Variants in NCALD observed in about 807,000 individuals in gnomAD.
The protein encoded by NCALD is neurocalcin-delta.
Under a neutral mutation model 18.6 loss-of-function variants are expected in NCALD, and 10 were observed. That is an observed-to-expected ratio of 0.54 (90% CI 0.33 to 0.91). The LOEUF (loss-of-function observed/expected upper bound fraction) is 0.91, where lower values mean the gene tolerates loss of function less well. Ranked by LOEUF, NCALD falls within the 40% of genes least tolerant of loss-of-function variation. The probability of loss-of-function intolerance (pLI) is 0.03; values close to 1 mark genes in which losing one functional copy is unlikely to be tolerated. For synonymous variants in NCALD, 88 were observed against 87.4 expected, an observed-to-expected ratio of 1.01 and a Z score of -0.04; for missense variants, 184 against 247.6, an observed-to-expected ratio of 0.74 and a Z score of 1.72.
At chr8:101,997,046 C>T (rs1212191718) in intron 2 of NCALD, among the ~76,000 whole-genome samples, 1 of 152,164 alleles carries the variant, frequency 6.6e-6, no homozygotes, top group Non-Finnish European at 1.5e-5. Context: ...TTATGGATTC[C>T]AGCTACTCAG....
intron 2 of NCALD, among the ~76,000 whole-genome samples, chr8:101,996,749 A>G (rs1821253390): frequency 6.6e-6 from 1 of 152,258 alleles, no homozygotes; most frequent in Non-Finnish European, 1.5e-5. Context: ...ACGGTCCTCC[A>G]GGGACTATGG....
At chr8:101,970,255 T>C (rs1240472333) in intron 2 of NCALD, among the ~76,000 whole-genome samples, 2 of 152,186 alleles carry the variant, frequency 1.3e-5, no homozygotes, top group Non-Finnish European at 1.5e-5. Context: ...TAAGGAAATA[T>C]GGAGATTTTG....
At chr8:102,040,579 C>T (rs1359826887) in intron 1 of NCALD, among the ~76,000 whole-genome samples, 1 of 152,050 alleles carries the variant, frequency 6.6e-6, no homozygotes, top group Admixed American at 6.6e-5. Flanking sequence ...TGGGAAAGAA[C>T]ACCCACTCAG....
chr8:101,848,092 G>A (rs1814941294), intron 4 of NCALD, among the ~76,000 whole-genome samples: 1 of 152,118 alleles, frequency 6.6e-6, no homozygotes, highest in Admixed American at 6.5e-5. Flanking sequence ...GTTTTGGTCG[G>A]GGAGAACAGT....
At chr8:102,112,335 A>G (rs921998805) in intron 1 of NCALD, among the ~76,000 whole-genome samples, 5 of 152,196 alleles carry the variant, frequency 3.3e-5, no homozygotes, top group African/African-American at 1.2e-4. Context: ...CTCACAGCTA[A>G]TAAGTGGCAA....
In NCALD at chr8:102,038,145, C is replaced by T. The variant is rs140242113; in HGVS notation, c.-209-17856G>A. Among the ~76,000 whole-genome samples the T allele has an allele frequency of 1.5e-3, 221 of 152,230 alleles. 5 individuals are homozygous for T. The East Asian group carries it at 0.038, about 26-fold the overall frequency. On this transcript the variant is annotated intron_variant, in intron 1 of 6. Transcript: ENST00000311028. ...ATTGGGATTTCCTGACGGCCTTTGC[C>T]TTACTATACCAAATTGACCCTGGAG...
At chr8:101,825,454 C>T (rs1394138732) in intron 4 of NCALD, among the ~76,000 whole-genome samples, 1 of 152,234 alleles carries the variant, frequency 6.6e-6, no homozygotes, top group Non-Finnish European at 1.5e-5. Context: ...TTAGATCTGG[C>T]CTGCCTTGGA....
intron 1 of NCALD, among the ~76,000 whole-genome samples, chr8:101,778,718 C>G (rs1467391935): frequency 2.6e-4 from 39 of 151,932 alleles, no homozygotes; most frequent in Non-Finnish European, 5.9e-5. Context: ...TCCAAGAGAC[C>G]TAACATCTCC....
chr8:102,092,847 T>C (rs1824968512), intron 1 of NCALD, among the ~76,000 whole-genome samples: 1 of 152,244 alleles, frequency 6.6e-6, no homozygotes, highest in South Asian at 2.1e-4. Flanking sequence ...TCTCACATCA[T>C]TCCTTGTTAT....
At chr8:102,101,794 C>A (rs1458246163) in intron 1 of NCALD, among the ~76,000 whole-genome samples, 1 of 152,180 alleles carries the variant, frequency 6.6e-6, no homozygotes, top group South Asian at 2.1e-4. Context: ...CAGCATTTAT[C>A]CAAATTACAT....
intron 1 of NCALD, among the ~76,000 whole-genome samples, chr8:102,096,791 C>T (rs192949653): frequency 1.1e-3 from 160 of 152,364 alleles, no homozygotes; most frequent in Non-Finnish European, 1.8e-3. Flanking sequence ...GGCCCACTCC[C>T]ACCCTGTAGA....
At chr8:101,739,373 T>C (rs1015598079) in intron 1 of NCALD, among the ~76,000 whole-genome samples, 1 of 152,246 alleles carries the variant, frequency 6.6e-6, no homozygotes, top group East Asian at 1.9e-4. Context: ...TTATTTAGTT[T>C]AGTGTCTATC....
At chr8:101,966,410 C>T (rs1270636526) in intron 2 of NCALD, among the ~76,000 whole-genome samples, 1 of 144,064 alleles carries the variant, frequency 6.9e-6, no homozygotes, top group African/African-American at 2.6e-5. Context: ...CATGTTCTCA[C>T]TCATAGGTGA....
chr8:101,889,521 CT>C (rs1434324223), intron 3 of NCALD, among the ~76,000 whole-genome samples: 3 of 152,156 alleles, frequency 2.0e-5, no homozygotes, highest in Non-Finnish European at 4.4e-5. Flanking sequence ...TAAATGTATG[CT>C]TTTTTTCTCA....
At chr8:101,861,329 A>G (rs1815533952) in intron 4 of NCALD, among the ~76,000 whole-genome samples, 1 of 152,074 alleles carries the variant, frequency 6.6e-6, no homozygotes, top group Non-Finnish European at 1.5e-5. Flanking sequence ...GGAGCTCACT[A>G]AATTCTTGCC....
chr8:101,875,684 G>A (rs766855504), intron 4 of NCALD, among the ~76,000 whole-genome samples: 35 of 152,234 alleles, frequency 2.3e-4, no homozygotes, highest in African/African-American at 6.5e-4. Flanking sequence ...ATTCTAAGAC[G>A]CAACAAAGCA....
intron 2 of NCALD, among the ~76,000 whole-genome samples, chr8:101,999,178 G>A (rs558178681): frequency 4.6e-5 from 7 of 150,922 alleles, no homozygotes; most frequent in East Asian, 1.9e-4. Context: ...TTTAGAAGTC[G>A]TTACATGAAA....
intron 1 of NCALD, among the ~76,000 whole-genome samples, chr8:101,760,018 G>T (rs1160505987): frequency 1.3e-5 from 2 of 152,158 alleles, no homozygotes; most frequent in African/African-American, 2.4e-5. Context: ...TCAAGTCAAA[G>T]ATGGTGGGCA....
chr8:101,930,265 T>C (rs766264760), intron 2 of NCALD, among the ~76,000 whole-genome samples: 9 of 152,038 alleles, frequency 5.9e-5, no homozygotes, highest in Non-Finnish European at 1.3e-4. Context: ...TAAATATATC[T>C]CATTAAACCC....
Sources: gnomAD v4.1 joint callset for allele counts (sites outside exome capture counted in the v4.1 genomes callset) on GRCh38, gnomAD v4.1.1 for gene constraint, MANE v1.5 for transcripts, NCBI Gene and HGNC (gene_info 2026-07-23, HGNC 2026-07-21) for gene names.